Variants in ZC3H3 observed in about 807,000 individuals in gnomAD.
The protein encoded by ZC3H3 is zinc finger CCCH domain-containing protein 3.
ZC3H3 carries 36 observed loss-of-function variants against 77.3 expected under a neutral mutation model. The ratio of observed to expected loss-of-function variants is 0.47; its 90% CI spans 0.36 to 0.61. The LOEUF is 0.61. Ranked by LOEUF, ZC3H3 falls within the 20% of genes least tolerant of loss-of-function variation. The pLI is 0.00. For missense variants in ZC3H3, 1,331 were observed against 1,312.2 expected (o/e 1.01, Z -0.22); for synonymous variants, 626 against 555.2 (o/e 1.13, Z -1.79).
chr8:143,524,156 C>T (rs980547784), intron 3 of ZC3H3, among the ~76,000 whole-genome samples: 1 of 152,262 alleles, frequency 6.6e-6, no homozygotes, highest in Non-Finnish European at 1.5e-5. Flanking sequence ...TGCCCACAGC[C>T]TGTTTCAGGA....
At chr8:143,492,079 C>A (rs952773527) in intron 4 of ZC3H3, among the ~76,000 whole-genome samples, 1 of 152,156 alleles carries the variant, frequency 6.6e-6, no homozygotes, top group Admixed American at 6.5e-5. Flanking sequence ...CGGACACATG[C>A]GTGCCGAGAG....
At position 143,481,957 on chromosome 8, in the gene ZC3H3, G is replaced by A. The variant is rs375257618; in HGVS notation, c.1716-6372C>T. Among the ~76,000 whole-genome samples, 22 of 152,332 alleles carry A rather than the reference G, an allele frequency of 1.4e-4. No individual in the cohort carries two copies. In the South Asian group the frequency reaches 3.1e-3, roughly 22 times the overall value. On this transcript the variant is annotated intron_variant, in intron 4 of 11. Transcript: ENST00000262577. ...CCGGCACTGAGCCAGCTGGGTCTCCGCCCTGGTTCACAGCTGAAAGGGGGC... is the reference window on the plus strand; with the variant it reads ...CCGGCACTGAGCCAGCTGGGTCTCCACCCTGGTTCACAGCTGAAAGGGGGC...
chr8:143,475,375 G>T, intron 5 of ZC3H3, 23 bp downstream of exon 5: 1 of 1,600,088 alleles, frequency 6.2e-7, no homozygotes, highest in Non-Finnish European at 8.5e-7. Flanking sequence ...TCATCTCCCA[G>T]CGCCCCCGCC....
chr8:143,519,089 C>T (rs1351225322), intron 3 of ZC3H3, among the ~76,000 whole-genome samples: 1 of 152,084 alleles, frequency 6.6e-6, no homozygotes, highest in African/African-American at 2.4e-5. Flanking sequence ...ACGCCGGCCT[C>T]CCCAGGAAGG....
At position 143,468,392 on chromosome 8, in the gene ZC3H3, C is replaced by T. The variant is rs1226132852; in HGVS notation, c.2095G>A (p.Val699Met). 2.5e-6 allele frequency: 4 copies of T among 1,612,604 alleles called. No homozygotes were observed. Among genetic ancestry groups the T allele is most frequent in the East Asian group, 2.2e-5 (1 of 44,860 alleles). The part of the protein sequence containing the change: ...PYIHDPEKVA[V>M]CTRFVRGTCK... ...AGGGCAGGAGGGCACCTGGTGCACACGGCCACCTTCTCGGGATCGTGGATG... is the reference window on the plus strand; with the variant it reads ...AGGGCAGGAGGGCACCTGGTGCACATGGCCACCTTCTCGGGATCGTGGATG... Residue 699 changes from valine to methionine, a missense_variant, in exon 7 of 12, where the codon GTG (valine) becomes ATG (methionine). Transcript: ENST00000262577.
chr8:143,452,607 G>T (rs1448137615), intron 9 of ZC3H3, among the ~76,000 whole-genome samples: 2 of 151,542 alleles, frequency 1.3e-5, no homozygotes, highest in African/African-American at 2.4e-5. Context: ...GGAAACAGAA[G>T]AAATAGAAAG....
chr8:143,500,076 A>G (rs1257009093), intron 4 of ZC3H3, among the ~76,000 whole-genome samples: 1 of 151,704 alleles, frequency 6.6e-6, no homozygotes, highest in African/African-American at 2.4e-5. Context: ...TGGTATGGCC[A>G]TGCTGGCCTC....
In ZC3H3 at chr8:143,538,050, G is replaced by A; in HGVS notation, c.1317C>T (p.Tyr439=). The stretch of plus-strand genomic sequence containing the variant: ...TGATCTTGGTGCGGCTCTTCACTTT[G>A]TAAGCCGAGAGCGGGGTCTCCCCAG... ...PLSGETPLSA[Y]KVKSRTKIIR... The change falls in exon 2 of 12, where the codon TAC becomes TAT. Residue 439 remains tyrosine, a synonymous_variant. Transcript: ENST00000262577. The A allele has an allele frequency of 6.2e-7, 1 of 1,612,288 alleles. No individual in the cohort carries two copies. Among genetic ancestry groups the A allele is most frequent in the Non-Finnish European group, 8.5e-7 (1 of 1,179,650 alleles).
intron 3 of ZC3H3, among the ~76,000 whole-genome samples, chr8:143,509,772 G>A (rs1441407117): frequency 1.3e-5 from 2 of 152,200 alleles, no homozygotes; most frequent in East Asian, 1.9e-4. Flanking sequence ...TCGGGCCCCG[G>A]GGGTTCATGT....
chr8:143,503,669 GCACCCAACTGTCTCCACCA>G (rs1205723290), intron 4 of ZC3H3, among the ~76,000 whole-genome samples: 3 of 108,130 alleles, frequency 2.8e-5, no homozygotes, highest in African/African-American at 1.1e-4. Flanking sequence ...ACCTCCTCCA[GCACCCAACTGTCTCCACCA>G]CCACCTCCCC....
At position 143,530,355 on chromosome 8, in the gene ZC3H3, C is replaced by G. The variant is rs1822562652; in HGVS notation, c.1561+5902G>C. Among the ~76,000 whole-genome samples, 1 of 152,198 alleles carries G rather than the reference C, an allele frequency of 6.6e-6. No individual in the cohort carries two copies. Among genetic ancestry groups the G allele is most frequent in the South Asian group, 2.1e-4 (1 of 4,830 alleles). On this transcript the variant is annotated intron_variant, in intron 3 of 11. Transcript: ENST00000262577. This position sits in a 1 kb window ranked among gnomAD's most constrained non-coding sequence, Gnocchi z 4.3. ...AGGCCACCGGCATGCATCCACCATC[C>G]TGGGTGGGTGAAGCAGAGAGGGCCC...
intron 4 of ZC3H3, among the ~76,000 whole-genome samples, chr8:143,482,383 G>A (rs1356152839): frequency 2.6e-5 from 4 of 152,186 alleles, no homozygotes; most frequent in East Asian, 3.9e-4. Context: ...CGGATGTGCC[G>A]GGCACGCAGG....
intron 4 of ZC3H3, among the ~76,000 whole-genome samples, chr8:143,477,838 C>T (rs1349242094): frequency 7.2e-5 from 11 of 152,174 alleles, no homozygotes; most frequent in Non-Finnish European, 1.5e-4. Flanking sequence ...GGTGCACCCC[C>T]CCACCGCAGC....
rs1348768328 is a variant in ZC3H3 at position 143,477,162 on chromosome 8, G to C, written c.1716-1577C>G. On this transcript the variant is annotated intron_variant, in intron 4 of 11. Coordinates refer to ENST00000262577, the MANE Select transcript of ZC3H3 (RefSeq NM_015117.3). Reference sequence around the variant, plus strand: ...AGCTGGGGTAATTCTCAGCAGCCGGGGGCCTCCAAGGGCCCATTAGAGAGA... The same window carrying C: ...AGCTGGGGTAATTCTCAGCAGCCGGCGGCCTCCAAGGGCCCATTAGAGAGA... 4.6e-5 allele frequency among the ~76,000 whole-genome samples: 7 copies of C among 152,368 alleles called. No homozygotes were observed. In the South Asian group the frequency reaches 1.4e-3, roughly 32 times the overall value.
chr8:143,482,925 G>T (rs1213969874), intron 4 of ZC3H3, among the ~76,000 whole-genome samples: 1 of 152,214 alleles, frequency 6.6e-6, no homozygotes, highest in African/African-American at 2.4e-5. Context: ...ACGGGGACAC[G>T]ACCTCAGGGC....
At chr8:143,473,641 C>A (rs1296218313) in intron 5 of ZC3H3, among the ~76,000 whole-genome samples, 1 of 152,226 alleles carries the variant, frequency 6.6e-6, no homozygotes. Context: ...CAGTGCCAGC[C>A]AACGTGGGGC....
intron 9 of ZC3H3, among the ~76,000 whole-genome samples, chr8:143,456,314 C>T (rs891286935): frequency 1.3e-5 from 2 of 151,932 alleles, no homozygotes; most frequent in Non-Finnish European, 2.9e-5. Flanking sequence ...TAGCAATAAC[C>T]ACATTAAATG....
chr8:143,516,253 A>G (rs1822036569), intron 3 of ZC3H3, among the ~76,000 whole-genome samples: 1 of 152,158 alleles, frequency 6.6e-6, no homozygotes, highest in African/African-American at 2.4e-5. Context: ...AAATCACTCC[A>G]CTTTTCTTGT....
rs1362228479 is a variant in ZC3H3, at chr8:143,475,669, C to T, written c.1716-84G>A. 3 of 1,438,738 alleles carry T rather than the reference C, an allele frequency of 2.1e-6. No homozygotes were observed. The South Asian group carries it at 4.3e-5, about 20-fold the overall frequency. The allele number at this position is 1,438,738 out of a possible 1,614,324, so 89.1% of individuals were successfully genotyped here. A position where few individuals can be genotyped will look rare whatever the true frequency, so the allele number is the denominator to read the frequency against. On this transcript the variant is annotated intron_variant, in intron 4 of 11. Coordinates refer to ENST00000262577, the MANE Select transcript of ZC3H3 (RefSeq NM_015117.3). ...GTCAGTGCCAGGGGCCGAGCCCAGGCCTGGCCTCCCAAGGGGGACAGGGAG... is the reference window on the plus strand; with the variant it reads ...GTCAGTGCCAGGGGCCGAGCCCAGGTCTGGCCTCCCAAGGGGGACAGGGAG...
Sources: gnomAD v4.1 joint callset for allele counts (sites outside exome capture counted in the v4.1 genomes callset) on GRCh38, gnomAD v4.1.1 for gene constraint, Gnocchi (gnomAD v3.1) non-coding constraint, MANE v1.5 for transcripts, NCBI Gene and HGNC (gene_info 2026-07-23, HGNC 2026-07-21) for gene names.